GSAP: variants seen among roughly 807,000 people sequenced by gnomAD.
The protein encoded by GSAP is gamma-secretase activating protein.
Under a neutral mutation model 131.7 loss-of-function variants are expected in GSAP, and 118 were observed. The observed-to-expected ratio is 0.90, with a 90% CI of 0.77 to 1.04. GSAP has a LOEUF of 1.04. Ranked by LOEUF, GSAP falls within the 50% of genes least tolerant of loss-of-function variation. The pLI is 0.00. For missense variants in GSAP, 1,019 were observed against 1,013.2 expected, an observed-to-expected ratio of 1.01 and a Z score of -0.08; for synonymous variants, 381 against 363.4, an observed-to-expected ratio of 1.05 and a Z score of -0.55.
chr7:77,384,294 TA>T (rs1287543605), intron 6 of GSAP, among the ~76,000 whole-genome samples: 2 of 152,314 alleles, frequency 1.3e-5, no homozygotes, highest in East Asian at 3.9e-4. Context: ...TGCCAACCTC[TA>T]AACCTCTGCC....
At chr7:77,329,488 G>T in intron 20 of GSAP, 97 bp from the exon 21 acceptor site, 1 of 539,428 alleles carries the variant, frequency 1.9e-6, no homozygotes, top group South Asian at 3.4e-5. Flanking sequence ...GAGCATCAGA[G>T]AGAAGAAATA....
intron 30 of GSAP, 180 bp from the exon 31 acceptor site, chr7:77,311,629 T>C (rs1451322053): frequency 1.7e-6 from 1 of 591,910 alleles, no homozygotes; most frequent in African/African-American, 1.9e-5. Flanking sequence ...CCAAATGGGC[T>C]TTAAACCTCT....
chr7:77,335,061 C>A (rs144653693), intron 19 of GSAP, among the ~76,000 whole-genome samples: 1 of 148,394 alleles, frequency 6.7e-6, no homozygotes, highest in Non-Finnish European at 1.5e-5. Context: ...CCAGCCTGGG[C>A]GACAGAGCAA....
chr7:77,316,222 G>C (rs1282473354), intron 26 of GSAP: 1 of 152,214 alleles, frequency 6.6e-6, no homozygotes, highest in Non-Finnish European at 1.5e-5. Flanking sequence ...GAATCAGAGA[G>C]GCATGGTAAC....
chr7:77,312,559 T>A (rs2150576081), intron 28 of GSAP, among the ~76,000 whole-genome samples: 1 of 152,356 alleles, frequency 6.6e-6, no homozygotes, highest in African/African-American at 2.4e-5. Context: ...TCTCTGCCAT[T>A]GTCTTGCCTA....
chr7:77,375,130 CA>C, intron 10 of GSAP, 29 bp from the exon 11 acceptor site: 2 of 1,416,170 alleles, frequency 1.4e-6, no homozygotes, highest in South Asian at 1.2e-5. Context: ...AAAATGAACC[CA>C]AAATGACAGA....
In GSAP at chr7:77,329,354, T is replaced by G. The variant is rs1788745743; in HGVS notation, c.1712A>C (p.Asn571Thr). 5 of 1,583,596 alleles carry G rather than the reference T, an allele frequency of 3.2e-6. No homozygotes were observed. The highest frequency in any genetic ancestry group is 1.7e-4 in the Middle Eastern group (1 of 6,042). The part of the protein sequence containing the change: ...GKRRSAAYVR[N>T]ILDNAVKVIS... ...TTACTTTACTGCATTATCAAGAATATTCCTCACGTATGCCGCAGACCTTCT... is the reference window on the plus strand; with the variant it reads ...TTACTTTACTGCATTATCAAGAATAGTCCTCACGTATGCCGCAGACCTTCT... The change falls in exon 21 of 31, where the codon AAT becomes ACT. Residue 571 changes from asparagine (N) to threonine (T), a missense_variant. Asn to Thr is a moderately conservative substitution (Grantham distance 65). Coordinates refer to ENST00000257626, the MANE Select transcript of GSAP (RefSeq NM_017439.4).
intron 19 of GSAP, among the ~76,000 whole-genome samples, chr7:77,334,164 G>T (rs559440790): frequency 2.0e-5 from 3 of 152,090 alleles, no homozygotes; most frequent in Admixed American, 6.6e-5. Context: ...CAAAGACATG[G>T]AATCAATCCA....
At chr7:77,357,802 C>T (rs1043592454) in intron 14 of GSAP, among the ~76,000 whole-genome samples, 2 of 152,174 alleles carry the variant, frequency 1.3e-5, no homozygotes, top group Non-Finnish European at 2.9e-5. Flanking sequence ...CCTGCCCACA[C>T]TTTGGTTTAG....
intron 1 of GSAP, among the ~76,000 whole-genome samples, chr7:77,412,972 G>C (rs1803559669): frequency 6.6e-6 from 1 of 152,104 alleles, no homozygotes; most frequent in African/African-American, 2.4e-5. Context: ...GTACATTCTA[G>C]AGAAACATAT....
chr7:77,345,892 GAAT>G (rs1240828499), intron 19 of GSAP, among the ~76,000 whole-genome samples: 1 of 152,062 alleles, frequency 6.6e-6, no homozygotes, highest in East Asian at 1.9e-4. Flanking sequence ...CCCTTTCATT[GAAT>G]ATCAATTTAT....
chr7:77,349,498 C>G, intron 18 of GSAP, 94 bp from the exon 19 acceptor site: 1 of 995,982 alleles, frequency 1.0e-6, no homozygotes, highest in Non-Finnish European at 1.6e-6. Context: ...CAGACAGAAG[C>G]TGAGGGCAGC....
At chr7:77,401,555 A>G (rs1443055154) in intron 3 of GSAP, among the ~76,000 whole-genome samples, 1 of 152,200 alleles carries the variant, frequency 6.6e-6, no homozygotes, top group Non-Finnish European at 1.5e-5. Flanking sequence ...AAAACTATGA[A>G]AATTTGTCAT....
intron 17 of GSAP, 134 bp from the exon 18 acceptor site, chr7:77,353,160 CA>C (rs1246492725): frequency 4.8e-6 from 3 of 619,832 alleles, no homozygotes; most frequent in Non-Finnish European, 5.8e-6. Context: ...AAACGGTAAC[CA>C]TCATGATTTT....
intron 5 of GSAP, among the ~76,000 whole-genome samples, chr7:77,393,806 T>C (rs183725062): frequency 1.5e-4 from 23 of 152,112 alleles, no homozygotes; most frequent in African/African-American, 2.7e-4. Context: ...CCCAAGTAGC[T>C]GGGATTACAG....
intron 1 of GSAP, among the ~76,000 whole-genome samples, chr7:77,411,125 A>G (rs1249609917): frequency 2.0e-5 from 3 of 151,604 alleles, no homozygotes; most frequent in Non-Finnish European, 4.4e-5. Flanking sequence ...AAAAAGTGAA[A>G]ACAATGTGAT....
intron 12 of GSAP, among the ~76,000 whole-genome samples, chr7:77,367,193 C>G (rs1298604065): frequency 2.0e-5 from 3 of 152,160 alleles, no homozygotes; most frequent in Non-Finnish European, 4.4e-5. Context: ...TCCTCTCTTC[C>G]TATTTGGGAT....
chr7:77,386,938 C>T (rs1798661003), intron 6 of GSAP, among the ~76,000 whole-genome samples: 1 of 152,148 alleles, frequency 6.6e-6, no homozygotes. Flanking sequence ...AATATGGAAT[C>T]TGCAAATAAT....
chr7:77,351,079 A>G lies in GSAP; in HGVS notation c.1492-1675T>C, dbSNP rs532509353. The G allele has an allele frequency of 9.5e-6, 9 of 948,926 alleles. No individual in the cohort carries two copies. In the Admixed American group the frequency reaches 4.3e-4, roughly 45 times the overall value. 58.8% of individuals were successfully genotyped at this position (948,926 alleles called of 1,614,324 possible). A position where few individuals can be genotyped will look rare whatever the true frequency, so the allele number is the denominator to read the frequency against. ...AATTTAAATGACCGAGATTTTACTG[A>G]TATAGAATATTCCTGTAAAAAAGGG... is the stretch of plus-strand genomic sequence containing the variant. On this transcript the variant is annotated intron_variant, in intron 18 of 30. Coordinates refer to ENST00000257626, the MANE Select transcript of GSAP (RefSeq NM_017439.4).
Sources: allele counts gnomAD v4.1 joint callset (sites outside exome capture counted in the v4.1 genomes callset), GRCh38; gene constraint gnomAD v4.1.1; transcripts MANE v1.5; gene names NCBI Gene and HGNC (gene_info 2026-07-23, HGNC 2026-07-21).